LCORL: variants seen among roughly 807,000 people sequenced by gnomAD.
LCORL encodes the protein ligand-dependent nuclear receptor corepressor-like protein.
LCORL carries 41 observed loss-of-function variants against 141.8 expected under a neutral mutation model. The ratio of observed to expected loss-of-function variants is 0.29; its 90% CI spans 0.23 to 0.38. The LOEUF is 0.38. LCORL is among the 10% of genes least tolerant of loss of function. The pLI, the probability that LCORL is intolerant of heterozygous loss-of-function variation, is 1.00. For missense variants in LCORL, 1,759 were observed against 2,035.0 expected, an observed-to-expected ratio of 0.86 and a Z score of 2.61; for synonymous variants, 618 against 694.1, an observed-to-expected ratio of 0.89 and a Z score of 1.72.
exon 7 of LCORL, chr4:17,877,454 G>A: frequency 2.4e-6 from 3 of 1,227,970 alleles, no homozygotes; most frequent in Non-Finnish European, 3.0e-6. Context: ...TAGAATTATT[G>A]CTGTCATTTG....
chr4:17,913,355 G>T (rs1368628010), intron 4 of LCORL, among the ~76,000 whole-genome samples: 1 of 152,196 alleles, frequency 6.6e-6, no homozygotes, highest in African/African-American at 2.4e-5. Flanking sequence ...AGAGAAGCAT[G>T]TCTTCAAAGA....
Position 17,876,908 on chromosome 4 carries a change from TG to T in LCORL, c.2081del (p.Pro694GlnfsTer36). 8.1e-7 allele frequency: 1 copy of T among 1,230,844 alleles called. No individual in the cohort carries two copies. The allele number at this position is 1,230,844 out of a possible 1,614,324, so 76.2% of individuals were successfully genotyped here. A position where few individuals can be genotyped will look rare whatever the true frequency, so the allele number is the denominator to read the frequency against. On this transcript the variant is annotated frameshift_variant, in exon 7 of 8. Coordinates refer to ENST00000635767, the Ensembl canonical transcript of LCORL. LOFTEE classifies it high-confidence loss of function. The stretch of plus-strand genomic sequence containing the variant: ...GTTGCAGTGACTGTAATGCATAATT[TG>T]GTGAAAATGATGTTTCAGCATGATT...
rs1553889932 is a variant in LCORL at position 18,021,692 on chromosome 4, GGCGGCGGCGGCGGCAGCA to G, written c.42_59del (p.Ala17_Ala22del). The G allele has an allele frequency of 5.2e-6, 8 of 1,531,270 alleles. No homozygotes were observed. Among genetic ancestry groups the G allele is most frequent in the Admixed American group, 2.1e-5 (1 of 47,090 alleles). 94.9% of individuals were successfully genotyped at this position (1,531,270 alleles called of 1,614,324 possible). On this transcript the variant is annotated inframe_deletion, in exon 1 of 8. Coordinates refer to ENST00000635767, the Ensembl canonical transcript of LCORL. This position sits in a 1 kb window ranked among gnomAD's most constrained non-coding sequence, Gnocchi z 5.5. The stretch of plus-strand genomic sequence containing the variant: ...ACCGAGGGCTCCGGCACTGAGCGGC[GGCGGCGGCGGCGGCAGCA>G]GCGGCGGCGGCAGCGGCCATTCTCT...
chr4:17,905,664 G>T (rs1215454534), intron 5 of LCORL, among the ~76,000 whole-genome samples: 1 of 151,846 alleles, frequency 6.6e-6, no homozygotes, highest in African/African-American at 2.4e-5. Flanking sequence ...TAAACTTATG[G>T]TTTATACTAT....
chr4:18,010,260 C>T (rs1560480618), intron 1 of LCORL, among the ~76,000 whole-genome samples: 2 of 151,894 alleles, frequency 1.3e-5, no homozygotes, highest in African/African-American at 2.4e-5. Flanking sequence ...CTTACATAGG[C>T]CTGTGGAAAA....
At chr4:17,928,887 T>TAC (rs1403332168) in intron 4 of LCORL, among the ~76,000 whole-genome samples, 1 of 152,164 alleles carries the variant, frequency 6.6e-6, no homozygotes, top group East Asian at 1.9e-4. Context: ...TAATCTTATA[T>TAC]ACATAAATTT....
intron 4 of LCORL, among the ~76,000 whole-genome samples, chr4:17,937,396 CT>C (rs1056140542): frequency 1.4e-4 from 21 of 152,118 alleles, no homozygotes; most frequent in Non-Finnish European, 2.4e-4. Flanking sequence ...TCATCAAAAC[CT>C]GGTAATCCCT....
At chr4:17,886,203 A>T in intron 5 of LCORL, 42 bp from the exon 6 acceptor site, 1 of 923,774 alleles carries the variant, frequency 1.1e-6, no homozygotes, top group Non-Finnish European at 1.8e-6. Flanking sequence ...TTTGCAACAG[A>T]TAGGCAATCC....
exon 8 of LCORL, chr4:17,842,215 T>G: frequency 9.0e-6 from 9 of 1,004,694 alleles, no homozygotes. Context: ...AGGATTGTTG[T>G]GTTGAAGACA....
At chr4:17,876,544 T>G in exon 7 of LCORL, 3 of 1,231,004 alleles carry the variant, frequency 2.4e-6, no homozygotes, top group Non-Finnish European at 3.0e-6. Flanking sequence ...GAGCTTTCAA[T>G]GTGAATATTT....
intron 5 of LCORL, among the ~76,000 whole-genome samples, chr4:17,901,589 A>G (rs1730890205): frequency 6.6e-6 from 1 of 152,184 alleles, no homozygotes; most frequent in Admixed American, 6.6e-5. Flanking sequence ...AGGGAAACAC[A>G]GCACACAAGG....
chr4:17,945,057 T>A (rs1738637156), intron 4 of LCORL, among the ~76,000 whole-genome samples: 1 of 152,094 alleles, frequency 6.6e-6, no homozygotes, highest in Non-Finnish European at 1.5e-5. Flanking sequence ...CAGTATTTAA[T>A]CACACCCTCT....
intron 1 of LCORL, among the ~76,000 whole-genome samples, chr4:17,998,986 AT>A (rs1235626789): frequency 0.038 from 1,876 of 49,528 alleles, 71 homozygotes; most frequent in African/African-American, 0.11. Flanking sequence ...AAAAAAAAAA[AT>A]ATATATATAT....
chr4:17,959,805 T>C (rs915023710), intron 4 of LCORL, among the ~76,000 whole-genome samples: 2 of 152,066 alleles, frequency 1.3e-5, no homozygotes, highest in African/African-American at 2.4e-5. Context: ...TTTGGGATAT[T>C]TTCAGGGAAA....
chr4:17,861,984 G>A (rs971316181), intron 7 of LCORL, among the ~76,000 whole-genome samples: 3 of 152,160 alleles, frequency 2.0e-5, no homozygotes, highest in African/African-American at 4.8e-5. Flanking sequence ...CATTCAACAA[G>A]TCTCTAGGAA....
intron 6 of LCORL, among the ~76,000 whole-genome samples, chr4:17,885,550 A>T (rs1728154524): frequency 6.6e-6 from 1 of 151,860 alleles, no homozygotes; most frequent in African/African-American, 2.4e-5. Context: ...TTTCACTACT[A>T]ATTATTTATT....
intron 1 of LCORL, among the ~76,000 whole-genome samples, chr4:17,985,032 G>A (rs551599794): frequency 6.6e-6 from 1 of 152,104 alleles, no homozygotes; most frequent in Non-Finnish European, 1.5e-5. Context: ...TAAACAACGT[G>A]CTATTCAAGA....
intron 4 of LCORL, among the ~76,000 whole-genome samples, chr4:17,947,910 G>A (rs1416360567): frequency 6.6e-6 from 1 of 151,734 alleles, no homozygotes; most frequent in Non-Finnish European, 1.5e-5. Flanking sequence ...TTTGCCTGGA[G>A]GTAATGAAAA....
At chr4:17,917,940 AAAAACAAAACAAAAC>A (rs139664926) in intron 4 of LCORL, among the ~76,000 whole-genome samples, 149 of 151,860 alleles carry the variant, frequency 9.8e-4, no homozygotes, top group African/African-American at 3.2e-3. Flanking sequence ...ACAGGTTAAC[AAAAACAAAACAAAAC>A]AAAACAAAAC....
Sources: gnomAD v4.1 joint callset for allele counts (sites outside exome capture counted in the v4.1 genomes callset) on GRCh38, gnomAD v4.1.1 for gene constraint, Gnocchi (gnomAD v3.1) non-coding constraint, MANE v1.5 for transcripts, NCBI Gene and HGNC (gene_info 2026-07-23, HGNC 2026-07-21) for gene names.